The following CDH26 variants were observed in gnomAD, a reference collection of about 807,000 sequenced individuals.
CDH26 encodes cadherin-like protein 26.
A neutral mutation model predicts 90.3 loss-of-function variants in CDH26; 83 were observed. That is an observed-to-expected ratio of 0.92 (90% confidence interval 0.77 to 1.10). The LOEUF (loss-of-function observed/expected upper bound fraction) is 1.10, where lower values mean the gene tolerates loss of function less well. CDH26 is among the 50% of genes least tolerant of loss of function. The probability of loss-of-function intolerance (pLI) is 0.00; values close to 1 mark genes in which losing one functional copy is unlikely to be tolerated. For missense variants in CDH26, 1,013 were observed against 1,037.6 expected (o/e 0.98, Z 0.33); for synonymous variants, 397 against 396.3 (o/e 1.00, Z -0.02).
chr20:59,998,845 G>T (rs553575430), intron 13 of CDH26, among the ~76,000 whole-genome samples: 1 of 152,124 alleles, frequency 6.6e-6, no homozygotes, highest in Non-Finnish European at 1.5e-5. Context: ...AAGGGTGGCC[G>T]CCAATATTAG....
chr20:59,997,699 C>T (rs933223942), intron 13 of CDH26, among the ~76,000 whole-genome samples: 2 of 152,238 alleles, frequency 1.3e-5, no homozygotes, highest in African/African-American at 4.8e-5. Flanking sequence ...CAAAAGGAAA[C>T]ACACACAGAG....
At chr20:59,995,521 A>G (rs1387359672) in intron 11 of CDH26, among the ~76,000 whole-genome samples, 3 of 152,214 alleles carry the variant, frequency 2.0e-5, no homozygotes, top group Non-Finnish European at 2.9e-5. Flanking sequence ...ACTCTGCCCT[A>G]GGTGCCTCTT....
Position 59,968,289 on chromosome 20 carries a change from G to T in CDH26, c.70-678G>T, listed in dbSNP as rs957788069. On this transcript the variant is annotated intron_variant, in intron 1 of 17. Transcript: ENST00000348616. ...ATTTTTGTATTTTCAGTAGAGATGG[G>T]GTTTCATCATATTGGTTAGTTGCTC... Among the ~76,000 whole-genome samples, 5 of 151,896 alleles carry T rather than the reference G, an allele frequency of 3.3e-5. No individual in the cohort carries two copies. The East Asian group carries it at 9.7e-4, about 30-fold the overall frequency.
At chr20:59,967,723 T>C (rs1054716851) in intron 1 of CDH26, among the ~76,000 whole-genome samples, 7 of 133,842 alleles carry the variant, frequency 5.2e-5, no homozygotes, top group African/African-American at 1.5e-4. Flanking sequence ...TTCTCTCTCT[T>C]TCTTTCTTTC....
intron 1 of CDH26, among the ~76,000 whole-genome samples, chr20:59,965,067 C>T (rs2061128791): frequency 6.6e-6 from 1 of 152,196 alleles, no homozygotes; most frequent in Admixed American, 6.5e-5. Flanking sequence ...CAAGAAGCAT[C>T]CATTGTCTAA....
chr20:60,005,229 A>G (rs1156830208), intron 16 of CDH26, among the ~76,000 whole-genome samples: 1 of 152,196 alleles, frequency 6.6e-6, no homozygotes, highest in Non-Finnish European at 1.5e-5. Flanking sequence ...TTGACTGTTT[A>G]TATTATTGGA....
intron 4 of CDH26, 117 bp from the exon 5 acceptor site, chr20:59,982,806 G>A: frequency 8.3e-7 from 1 of 1,210,494 alleles, no homozygotes; most frequent in Admixed American, 2.1e-5. Flanking sequence ...CTGCCCTCCG[G>A]AACTCTCAGT....
At chr20:60,001,000 C>A (rs564248837) in intron 14 of CDH26, among the ~76,000 whole-genome samples, 1 of 152,274 alleles carries the variant, frequency 6.6e-6, no homozygotes, top group East Asian at 1.9e-4. Context: ...ACAATCCCAT[C>A]CCTGAATCTA....
At chr20:59,990,926 G>A (rs1354267053) in intron 9 of CDH26, among the ~76,000 whole-genome samples, 1 of 151,130 alleles carries the variant, frequency 6.6e-6, no homozygotes, top group Non-Finnish European at 1.5e-5. Context: ...CTGGAGTGCA[G>A]TGGCATAATC....
chr20:59,971,140 C>A (rs753188), intron 3 of CDH26, among the ~76,000 whole-genome samples: 1 of 152,114 alleles, frequency 6.6e-6, no homozygotes, highest in African/African-American at 2.4e-5. Flanking sequence ...TGATTAAGTT[C>A]TGCTATAGCT....
At chr20:59,965,156 C>A (rs968966721) in intron 1 of CDH26, among the ~76,000 whole-genome samples, 4 of 152,164 alleles carry the variant, frequency 2.6e-5, no homozygotes, top group African/African-American at 9.7e-5. Context: ...AGAAATATAA[C>A]CTGGCCAGGA....
intron 7 of CDH26, among the ~76,000 whole-genome samples, chr20:60,029,494 T>C (rs976942294): frequency 6.6e-6 from 1 of 152,188 alleles, no homozygotes; most frequent in African/African-American, 2.4e-5. Flanking sequence ...TTACTTTAAG[T>C]GCTAGGATAC....
At chr20:59,994,577 C>A in intron 11 of CDH26, 88 bp downstream of exon 11, 1 of 1,504,522 alleles carries the variant, frequency 6.6e-7, no homozygotes, top group Non-Finnish European at 8.9e-7. Context: ...ACTTTATTAG[C>A]TTAAAAAACC....
downstream of CDH26, among the ~76,000 whole-genome samples, chr20:60,035,037 T>C (rs762489222): frequency 2.1e-4 from 32 of 152,262 alleles, no homozygotes; most frequent in Non-Finnish European, 3.5e-4. Flanking sequence ...TTAAAATTTT[T>C]AATACCAATG....
At chr20:60,003,752 C>G (rs936499621) in intron 16 of CDH26, among the ~76,000 whole-genome samples, 1 of 152,160 alleles carries the variant, frequency 6.6e-6, no homozygotes, top group Non-Finnish European at 1.5e-5. Context: ...TTCAAATACT[C>G]TAGCTGAAGT....
In CDH26 at chr20:59,984,631, C is replaced by A. The variant is rs150599622; in HGVS notation, c.542-8C>A. On this transcript the variant is annotated splice_polypyrimidine_tract_variant and splice_region_variant and intron_variant, in intron 5 of 17. Transcript: ENST00000348616. ...CTGATAGTAACAATTTTTAAAAATT[C>A]TTTCTAGGGCAACCTATTTTTCAGA... 2.1e-4 allele frequency: 332 copies of A among 1,600,650 alleles called. 1 individual carries two copies. In the African/African-American group the frequency reaches 3.7e-3, roughly 18 times the overall value.
At chr20:59,988,434 G>A (rs977730396) in intron 8 of CDH26, among the ~76,000 whole-genome samples, 4 of 152,212 alleles carry the variant, frequency 2.6e-5, no homozygotes, top group Admixed American at 6.5e-5. Context: ...CCTGCGGACC[G>A]TGCTATGAAT....
chr20:60,015,364 G>A (rs1046905522), downstream of CDH26, among the ~76,000 whole-genome samples: 2 of 152,118 alleles, frequency 1.3e-5, no homozygotes, highest in East Asian at 3.8e-4. Context: ...GGTTTGATGT[G>A]CCTTTTCCTG....
intron 7 of CDH26, among the ~76,000 whole-genome samples, chr20:60,019,942 G>A (rs911777665): frequency 2.0e-5 from 3 of 152,182 alleles, no homozygotes; most frequent in Non-Finnish European, 4.4e-5. Flanking sequence ...CAGTAGTGTA[G>A]TCTCTATGTA....
Sources: gnomAD v4.1 joint callset for allele counts (sites outside exome capture counted in the v4.1 genomes callset) on GRCh38, gnomAD v4.1.1 for gene constraint, MANE v1.5 for transcripts, NCBI Gene and HGNC (gene_info 2026-07-23, HGNC 2026-07-21) for gene names.